The following BAZ2B variants were observed in gnomAD, a reference collection of about 807,000 sequenced individuals.
BAZ2B encodes bromodomain adjacent to zinc finger domain protein 2B.
A neutral mutation model predicts 246.0 loss-of-function variants in BAZ2B; 91 were observed. The observed-to-expected ratio is 0.37, with a 90% CI of 0.31 to 0.44. BAZ2B has a LOEUF of 0.44. Among genes scored for constraint, BAZ2B ranks in the 20% least tolerant of loss-of-function variants. The pLI is 1.00. For missense variants in BAZ2B, 2,332 were observed against 2,533.7 expected (o/e 0.92, Z 1.71); for synonymous variants, 855 against 860.0 (o/e 0.99, Z 0.10).
chr2:159,706,084 A>ACACACACACACACAC, the BAZ2B span, among the ~76,000 whole-genome samples: 3 of 149,772 alleles, frequency 2.0e-5, no homozygotes, highest in East Asian at 2.0e-4. Context: ...AAACATATAT[A>ACACACACACACACAC]ACACACACAC....
chr2:159,682,999 T>G, the BAZ2B span, among the ~76,000 whole-genome samples: 2 of 151,836 alleles, frequency 1.3e-5, no homozygotes, highest in Non-Finnish European at 2.9e-5. Context: ...CTCTTTGTTA[T>G]TTTTGGCTAA....
chr2:159,499,392 A>T (rs2081476936), intron 2 of BAZ2B, among the ~76,000 whole-genome samples: 1 of 152,160 alleles, frequency 6.6e-6, no homozygotes, highest in African/African-American at 2.4e-5. Flanking sequence ...TCCATGGTGT[A>T]TGTACCACAT....
At chr2:159,608,366 C>T (rs905226278) in intron 1 of BAZ2B, among the ~76,000 whole-genome samples, 1 of 152,168 alleles carries the variant, frequency 6.6e-6, no homozygotes, top group African/African-American at 2.4e-5. Flanking sequence ...CAGAGTGAGA[C>T]CCTGTCTCCA....
chr2:159,471,227 G>A (rs1457953280), intron 3 of BAZ2B, among the ~76,000 whole-genome samples: 1 of 152,152 alleles, frequency 6.6e-6, no homozygotes, highest in Admixed American at 6.5e-5. Context: ...GAAAGCATAT[G>A]TAACTATCTC....
chr2:159,645,516 T>C, the BAZ2B span, among the ~76,000 whole-genome samples: 311 of 152,084 alleles, frequency 2.0e-3, 4 homozygotes, highest in Non-Finnish European at 2.3e-3. Context: ...CTGCTCACAA[T>C]AGGGTTCACA....
At chr2:159,630,590 G>C in the BAZ2B span, among the ~76,000 whole-genome samples, 1 of 149,874 alleles carries the variant, frequency 6.7e-6, no homozygotes, top group Non-Finnish European at 1.5e-5. Flanking sequence ...CTGGAGTGCA[G>C]TGGCGCAATC....
intron 17 of BAZ2B, among the ~76,000 whole-genome samples, chr2:159,399,652 C>T (rs772669959): frequency 2.0e-5 from 3 of 151,912 alleles, no homozygotes; most frequent in South Asian, 2.1e-4. Flanking sequence ...TTTCAATTTC[C>T]GGTTTTTAAA....
intron 2 of BAZ2B, among the ~76,000 whole-genome samples, chr2:159,483,139 C>T (rs980535226): frequency 6.6e-6 from 1 of 152,120 alleles, no homozygotes; most frequent in South Asian, 2.1e-4. Context: ...GGAAGAATAT[C>T]TAGTAGGTAC....
At chr2:159,631,298 AATGT>A in the BAZ2B span, among the ~76,000 whole-genome samples, 1 of 152,244 alleles carries the variant, frequency 6.6e-6, no homozygotes, top group Admixed American at 6.5e-5. Context: ...CTGAATTTAA[AATGT>A]ATGTATTAGA....
Position 159,332,589 on chromosome 2 carries a change from A to C in BAZ2B, c.5894T>G (p.Ile1965Ser). 1 of 1,614,090 alleles carries C rather than the reference A, an allele frequency of 6.2e-7. No homozygotes were observed. The highest frequency in any genetic ancestry group is 8.5e-7 in the Non-Finnish European group (1 of 1,179,980). Residue 1965 changes from isoleucine (I) to serine (S), a missense_variant, in exon 34 of 37, where the codon ATT becomes AGT. Coordinates refer to ENST00000392783, the MANE Select transcript of BAZ2B (RefSeq NM_013450.4). ...CCAGTCTCCATCTGGGATTGTTGTAATCTTGGGTCTATGGCAGTAGGTATG... is the reference window on the plus strand; with the variant it reads ...CCAGTCTCCATCTGGGATTGTTGTACTCTTGGGTCTATGGCAGTAGGTATG... ...GCHTYCHRPK[I>S]TTIPDGDWFC...
At chr2:159,459,372 G>A (rs1219234584) in intron 3 of BAZ2B, 2 of 152,148 alleles carry the variant, frequency 1.3e-5, no homozygotes, top group Non-Finnish European at 2.9e-5. Flanking sequence ...AGAATAACCG[G>A]AAATTATTCT....
intron 2 of BAZ2B, among the ~76,000 whole-genome samples, chr2:159,554,022 T>A (rs1455860096): frequency 6.6e-6 from 1 of 152,116 alleles, no homozygotes; most frequent in African/African-American, 2.4e-5. Flanking sequence ...TTTTCTTAAC[T>A]CAAAGGGCCA....
At position 159,596,804 on chromosome 2, in the gene BAZ2B, G is replaced by A. The variant is rs148828174; in HGVS notation, c.-46+19438C>T. Among the ~76,000 whole-genome samples, 422 of 152,214 alleles carry A rather than the reference G, an allele frequency of 2.8e-3. 2 individuals carry two copies. The highest frequency in any genetic ancestry group is 9.2e-3 in the African/African-American group (384 of 41,544). On this transcript the variant is annotated intron_variant, in intron 1 of 36. Coordinates refer to ENST00000392783, the MANE Select transcript of BAZ2B (RefSeq NM_013450.4). The stretch of plus-strand genomic sequence containing the variant: ...TACGATGTTTGGTTTCCCATTCCTC[G>A]GTTACTTCACTTAGAATAATAGTCT...
chr2:159,507,080 G>A (rs1313746471), intron 2 of BAZ2B, among the ~76,000 whole-genome samples: 1 of 152,056 alleles, frequency 6.6e-6, no homozygotes, highest in Non-Finnish European at 1.5e-5. Flanking sequence ...AATTATAAAA[G>A]TTTTAGATTC....
At chr2:159,605,957 T>C (rs982049692) in intron 1 of BAZ2B, among the ~76,000 whole-genome samples, 1 of 152,190 alleles carries the variant, frequency 6.6e-6, no homozygotes, top group Non-Finnish European at 1.5e-5. Context: ...TCTAAAGTTA[T>C]TACATGTTCT....
At chr2:159,357,347 G>A (rs183668706) in intron 27 of BAZ2B, among the ~76,000 whole-genome samples, 52 of 151,384 alleles carry the variant, frequency 3.4e-4, no homozygotes, top group Admixed American at 8.6e-4. Flanking sequence ...ATCAACAGCC[G>A]AATCAAGCAG....
chr2:159,545,914 C>T (rs750282656), intron 2 of BAZ2B, among the ~76,000 whole-genome samples: 12 of 152,122 alleles, frequency 7.9e-5, no homozygotes, highest in East Asian at 1.9e-4. Flanking sequence ...AATACAACTA[C>T]GGATAAGGAT....
the BAZ2B span, among the ~76,000 whole-genome samples, chr2:159,638,905 C>T: frequency 6.6e-6 from 1 of 152,102 alleles, no homozygotes; most frequent in African/African-American, 2.4e-5. Context: ...GGTTACAGAA[C>T]ACCAAGCAGA....
At chr2:159,463,762 T>C (rs1015724663) in intron 3 of BAZ2B, 1 of 152,214 alleles carries the variant, frequency 6.6e-6, no homozygotes, top group Non-Finnish European at 1.5e-5. Flanking sequence ...TGGAGTGTAA[T>C]GGTGCGATCT....
Sources: gnomAD v4.1 joint callset for allele counts (sites outside exome capture counted in the v4.1 genomes callset) on GRCh38, gnomAD v4.1.1 for gene constraint, MANE v1.5 for transcripts, NCBI Gene and HGNC (gene_info 2026-07-23, HGNC 2026-07-21) for gene names.